The following WNT7B variants were observed in gnomAD, a reference collection of about 807,000 sequenced individuals.
WNT7B encodes Wnt family member 7B.
A neutral mutation model predicts 38.2 loss-of-function variants in WNT7B; 19 were observed. The ratio of observed to expected loss-of-function variants is 0.50; its 90% CI spans 0.35 to 0.73. The LOEUF is 0.73. WNT7B is among the 30% of genes least tolerant of loss of function. The probability of loss-of-function intolerance (pLI) is 0.01; values close to 1 mark genes in which losing one functional copy is unlikely to be tolerated. For synonymous variants in WNT7B, 243 were observed against 209.3 expected, an observed-to-expected ratio of 1.16 and a Z score of -1.39; for missense variants, 423 against 507.9, an observed-to-expected ratio of 0.83 and a Z score of 1.61.
At chr22:45,931,395 G>T (rs369119593) in intron 2 of WNT7B, 26 bp from the exon 3 acceptor site, 21 of 1,561,506 alleles carry the variant, frequency 1.3e-5, no homozygotes, top group Admixed American at 6.9e-5. Flanking sequence ...GGTGCAGAAG[G>T]TGAGACCCCA....
chr22:45,934,300 G>A (rs925891739), intron 2 of WNT7B, among the ~76,000 whole-genome samples: 1 of 152,206 alleles, frequency 6.6e-6, no homozygotes, highest in Non-Finnish European at 1.5e-5. Context: ...GGCAGGAGGA[G>A]AGGGGGGATG....
chr22:45,935,340 C>T (rs982038561), intron 2 of WNT7B, among the ~76,000 whole-genome samples: 5 of 152,218 alleles, frequency 3.3e-5, no homozygotes, highest in East Asian at 1.9e-4. Flanking sequence ...CTGACCCCAC[C>T]GCTCCTCGCC....
chr22:45,967,049 G>T (rs1289821732), intron 1 of WNT7B, among the ~76,000 whole-genome samples: 1 of 152,204 alleles, frequency 6.6e-6, no homozygotes, highest in Non-Finnish European at 1.5e-5. Context: ...GCAGGGATGG[G>T]GGAGGGGCCC....
intron 2 of WNT7B, among the ~76,000 whole-genome samples, chr22:45,934,925 T>G (rs28470409): frequency 6.6e-6 from 1 of 152,246 alleles, no homozygotes; most frequent in African/African-American, 2.4e-5. Context: ...CCGTGGACTG[T>G]GGGCTCCCGT....
intron 2 of WNT7B, chr22:45,936,171 C>T (rs1164120643): frequency 1.0e-6 from 1 of 985,406 alleles, no homozygotes; most frequent in South Asian, 4.7e-5. Flanking sequence ...GTTTCCAGTG[C>T]AGGCTATCTC....
At chr22:45,925,254 G>C in intron 3 of WNT7B, 2 of 985,004 alleles carry the variant, frequency 2.0e-6, no homozygotes, top group Non-Finnish European at 1.2e-6. Flanking sequence ...GTGGGCCCTA[G>C]GCTGGCAGGT....
intron 3 of WNT7B, among the ~76,000 whole-genome samples, chr22:45,930,303 T>G (rs115323584): frequency 0.018 from 2,739 of 152,358 alleles, 91 homozygotes; most frequent in African/African-American, 0.062. Flanking sequence ...GAGGGATTCT[T>G]CAGCTCCACT....
At chr22:45,925,035 A>G (rs977645947) in intron 3 of WNT7B, 34 of 969,866 alleles carry the variant, frequency 3.5e-5, no homozygotes, top group Non-Finnish European at 3.8e-5. Context: ...GGTGGGTCCA[A>G]AGGCTCATCA....
At chr22:45,927,175 G>A in intron 3 of WNT7B, 2 of 985,400 alleles carry the variant, frequency 2.0e-6, no homozygotes, top group Non-Finnish European at 2.4e-6. Context: ...ACGTAGCAGT[G>A]GGGACCATGT....
intron 2 of WNT7B, chr22:45,935,923 GT>G: frequency 2.0e-6 from 2 of 985,334 alleles, no homozygotes; most frequent in Non-Finnish European, 2.4e-6. Context: ...GCCGGCAGCT[GT>G]CCTGCTGGTA....
Position 45,931,282 on chromosome 22 carries a change from C to A in WNT7B, c.386G>T (p.Ser129Ile). ...VTAACSQGNL[S>I]NCGCDREKQG... ...CTTCTCGCGGTCGCAGCCGCAGTTG[C>A]TCAGGTTCCCTTGGCTGCAGGCAGC... Residue 129 changes from serine (S) to isoleucine (I), a missense_variant, in exon 3 of 4, where the codon AGC (serine) becomes ATC (isoleucine). Physicochemically the swap from Ser to Ile is moderately radical, Grantham distance 142. Transcript: ENST00000339464. 2 of 1,598,522 alleles carry A rather than the reference C, an allele frequency of 1.3e-6. No individual in the cohort carries two copies. Among genetic ancestry groups the A allele is most frequent in the Non-Finnish European group, 1.7e-6 (2 of 1,179,642 alleles).
In WNT7B at chr22:45,954,756, G is replaced by A. The variant is rs1052394235; in HGVS notation, c.72-4610C>T. ...AAAATTGTCTCCCTTACTAAGTGGG[G>A]GTGTTTGTGTTCCCACTAAAAATAC... On this transcript the variant is annotated intron_variant, in intron 1 of 3. Transcript: ENST00000339464. 1.0e-5 allele frequency: 10 copies of A among 985,310 alleles called. No homozygotes were observed. In the African/African-American group the frequency reaches 1.4e-4, roughly 14 times the overall value. 61.0% of individuals were successfully genotyped at this position (985,310 alleles called of 1,614,324 possible).
At chr22:45,960,180 G>A (rs568627298) in intron 1 of WNT7B, among the ~76,000 whole-genome samples, 82 of 152,250 alleles carry the variant, frequency 5.4e-4, no homozygotes, top group African/African-American at 7.9e-4. Flanking sequence ...GGCCACTTTG[G>A]CCAGGTGGCC....
intron 2 of WNT7B, among the ~76,000 whole-genome samples, chr22:45,948,354 G>T: frequency 6.6e-6 from 1 of 152,240 alleles, no homozygotes. Flanking sequence ...CCCAGGGAGC[G>T]GGCGGTGCCA....
intron 2 of WNT7B, chr22:45,935,953 C>A: frequency 2.0e-6 from 2 of 985,292 alleles, no homozygotes; most frequent in Non-Finnish European, 2.4e-6. Flanking sequence ...TCTCGGGGGG[C>A]CTAGGGGCCT....
chr22:45,925,598 C>T (rs1164867539), intron 3 of WNT7B: 9 of 985,204 alleles, frequency 9.1e-6, no homozygotes, highest in African/African-American at 1.7e-5. Flanking sequence ...TCCTGTCCAT[C>T]ACCCCAGCTC....
At chr22:45,928,011 C>T (rs1035157224) in intron 3 of WNT7B, among the ~76,000 whole-genome samples, 6 of 152,164 alleles carry the variant, frequency 3.9e-5, no homozygotes, top group African/African-American at 7.2e-5. Flanking sequence ...AGGAATGCTG[C>T]GAGAGCCAGG....
Position 45,923,276 on chromosome 22 carries a change from G to T in WNT7B, c.630C>A (p.Thr210=), listed in dbSNP as rs769391653. Residue 210 remains threonine, a synonymous_variant, in exon 4 of 4, where the codon ACC becomes ACA. Transcript: ENST00000339464. The part of the protein sequence containing the change: ...CKCHGVSGSC[T]TKTCWTTLPK... ...GCAGCGTGGTCCAGCAGGTTTTGGTGGTGCAGGAGCCAGACACGCCGTGGC... is the reference window on the plus strand; with the variant it reads ...GCAGCGTGGTCCAGCAGGTTTTGGTTGTGCAGGAGCCAGACACGCCGTGGC... 6.2e-6 allele frequency: 10 copies of T among 1,613,382 alleles called. No homozygotes were observed. Among genetic ancestry groups the T allele is most frequent in the Non-Finnish European group, 8.5e-6 (10 of 1,179,852 alleles).
At chr22:45,925,827 T>C in intron 3 of WNT7B, 3 of 985,378 alleles carry the variant, frequency 3.0e-6, no homozygotes, top group Non-Finnish European at 3.6e-6. Flanking sequence ...CCTCCTCAGA[T>C]GGGCCTGGAT....
Sources: allele counts gnomAD v4.1 joint callset (sites outside exome capture counted in the v4.1 genomes callset), GRCh38; gene constraint gnomAD v4.1.1; transcripts MANE v1.5; gene names NCBI Gene and HGNC (gene_info 2026-07-23, HGNC 2026-07-21).